The following GPC6 variants were observed in gnomAD, a reference collection of about 807,000 sequenced individuals.
GPC6 encodes the protein glypican 6.
A neutral mutation model predicts 55.2 loss-of-function variants in GPC6; 14 were observed. The ratio of observed to expected loss-of-function variants is 0.25; its 90% CI spans 0.17 to 0.40. GPC6 has a LOEUF of 0.40. GPC6 is among the 10% of genes least tolerant of loss of function. The pLI is 1.00. For missense variants in GPC6, 641 were observed against 708.5 expected, an observed-to-expected ratio of 0.90 and a Z score of 1.08; for synonymous variants, 278 against 259.6, an observed-to-expected ratio of 1.07 and a Z score of -0.68.
intron 1 of GPC6, among the ~76,000 whole-genome samples, chr13:93,393,107 GATATATAT>G (rs374414019): frequency 1.4e-3 from 158 of 114,772 alleles, no homozygotes; most frequent in South Asian, 4.3e-3. Context: ...ATGTATATTT[GATATATAT>G]ATATATATAT....
rs146398124 is a variant in GPC6 at position 94,292,863 on chromosome 13, T to G, written c.1008+6384T>G. On this transcript the variant is annotated intron_variant, in intron 5 of 8. Transcript: ENST00000377047. Reference sequence around the variant, plus strand: ...ATCTGTTTTTATAGGGACTGTCAGATCCATTTTCTCTCCTATTTGGCCCAC... The same window carrying G: ...ATCTGTTTTTATAGGGACTGTCAGAGCCATTTTCTCTCCTATTTGGCCCAC... Among the ~76,000 whole-genome samples the G allele has an allele frequency of 2.3e-4, 35 of 152,312 alleles. 1 individual carries two copies. The highest frequency in any genetic ancestry group is 7.9e-4 in the African/African-American group (33 of 41,584).
Position 93,227,536 on chromosome 13 carries a change from C to T in GPC6, c.80C>T (p.Ala27Val), listed in dbSNP as rs775575495. Reference protein sequence around the residue: ...LSLPAGADVKARSCGEVRQAY... With the variant: ...LSLPAGADVKVRSCGEVRQAY... ...CTCCCCGCCGGGGCGGATGTGAAGG[C>T]TCGGAGCTGCGGAGAGGTCCGCCAG... is the stretch of plus-strand genomic sequence containing the variant. Residue 27 changes from alanine (A) to valine (V), a missense_variant, in exon 1 of 9, where the codon GCT becomes GTT. Transcript: ENST00000377047. This position sits in a 1 kb window ranked among gnomAD's most constrained non-coding sequence, Gnocchi z 4.3. The T allele has an allele frequency of 1.9e-5, 30 of 1,613,552 alleles. No individual in the cohort carries two copies. The highest frequency in any genetic ancestry group is 2.5e-5 in the Non-Finnish European group (29 of 1,179,742).
At chr13:94,052,768 G>A (rs984243555) in intron 4 of GPC6, among the ~76,000 whole-genome samples, 11 of 152,002 alleles carry the variant, frequency 7.2e-5, no homozygotes, top group Admixed American at 2.0e-4. Context: ...TTAATTATGT[G>A]TCCCTTAATC....
chr13:93,273,635 G>A (rs1877624558), intron 1 of GPC6, among the ~76,000 whole-genome samples: 2 of 152,178 alleles, frequency 1.3e-5, no homozygotes, highest in Admixed American at 6.5e-5. Flanking sequence ...TCCAGCCTGG[G>A]CGACAGAGCG....
intron 4 of GPC6, among the ~76,000 whole-genome samples, chr13:94,142,425 A>T (rs866407716): frequency 6.6e-6 from 1 of 152,324 alleles, no homozygotes; most frequent in East Asian, 1.9e-4. Context: ...ACGTTCTAGT[A>T]AACCTTTTGG....
intron 2 of GPC6, among the ~76,000 whole-genome samples, chr13:93,644,064 A>G (rs1361741029): frequency 3.3e-5 from 5 of 151,970 alleles, no homozygotes; most frequent in African/African-American, 1.2e-4. Context: ...GTAAGTATGG[A>G]ATATATTATT....
chr13:94,355,833 A>G (rs201305937), intron 6 of GPC6, among the ~76,000 whole-genome samples: 13 of 152,150 alleles, frequency 8.5e-5, no homozygotes, highest in African/African-American at 3.1e-4. Flanking sequence ...GGTTTGTTAC[A>G]TAGGTAAACG....
intron 4 of GPC6, among the ~76,000 whole-genome samples, chr13:94,213,830 G>A (rs9516367): frequency 0.19 from 29,345 of 152,114 alleles, 2,998 homozygotes; most frequent in East Asian, 0.41. Flanking sequence ...TTTACTTCTT[G>A]ATGGAGATGC....
intron 1 of GPC6, among the ~76,000 whole-genome samples, chr13:93,248,922 T>G (rs1876695904): frequency 1.3e-5 from 2 of 152,174 alleles, no homozygotes; most frequent in South Asian, 4.1e-4. Context: ...CCTGTTACCT[T>G]AAGGTTCTAA....
intron 2 of GPC6, among the ~76,000 whole-genome samples, chr13:93,679,138 G>C (rs1435495200): frequency 6.6e-6 from 1 of 152,064 alleles, no homozygotes; most frequent in Non-Finnish European, 1.5e-5. Context: ...CAGATGGAAT[G>C]GGTAGTATCT....
chr13:93,543,116 A>G (rs1009324036), intron 1 of GPC6, among the ~76,000 whole-genome samples: 24 of 139,232 alleles, frequency 1.7e-4, no homozygotes, highest in African/African-American at 6.1e-4. Context: ...TTCAAAGGGA[A>G]TGCTTCCAGT....
intron 4 of GPC6, among the ~76,000 whole-genome samples, chr13:94,159,027 T>C (rs9561507): frequency 0.29 from 44,219 of 152,024 alleles, 6,979 homozygotes; most frequent in African/African-American, 0.41. Flanking sequence ...AGTGCTTTCC[T>C]CCGACCTGGC....
At chr13:94,207,683 C>T (rs770907705) in intron 4 of GPC6, among the ~76,000 whole-genome samples, 3 of 152,092 alleles carry the variant, frequency 2.0e-5, no homozygotes, top group Non-Finnish European at 4.4e-5. Flanking sequence ...AACTTAGTTA[C>T]AGAGTAACTG....
chr13:93,901,170 A>G (rs573040041), intron 3 of GPC6, among the ~76,000 whole-genome samples: 20 of 152,284 alleles, frequency 1.3e-4, no homozygotes, highest in African/African-American at 4.6e-4. Flanking sequence ...AAGGATCTCA[A>G]TATATATACT....
intron 6 of GPC6, among the ~76,000 whole-genome samples, chr13:94,336,565 T>C (rs1359780709): frequency 6.6e-6 from 1 of 152,190 alleles, no homozygotes; most frequent in Non-Finnish European, 1.5e-5. Flanking sequence ...GGTAGCGGTT[T>C]TTTAATTTGT....
At chr13:93,253,730 C>T (rs912546830) in intron 1 of GPC6, among the ~76,000 whole-genome samples, 1 of 152,150 alleles carries the variant, frequency 6.6e-6, no homozygotes. Context: ...AGATCATGCC[C>T]TATGAACCTC....
At chr13:94,027,705 T>C in intron 3 of GPC6, 24 bp from the exon 4 acceptor site, 8 of 1,611,444 alleles carry the variant, frequency 5.0e-6, no homozygotes, top group Non-Finnish European at 5.9e-6. Flanking sequence ...TTTGATTTTC[T>C]TTTTCTTTGC....
chr13:94,270,487 AG>A (rs754684635), intron 4 of GPC6, among the ~76,000 whole-genome samples: 3 of 152,236 alleles, frequency 2.0e-5, no homozygotes, highest in Admixed American at 6.5e-5. Context: ...TTGCATACAT[AG>A]CCTGATCCTA....
intron 4 of GPC6, among the ~76,000 whole-genome samples, chr13:94,153,175 C>T (rs932585788): frequency 2.6e-5 from 4 of 152,082 alleles, no homozygotes; most frequent in Non-Finnish European, 5.9e-5. Flanking sequence ...CTGAGTAACT[C>T]ACCCACCTAG....
Sources: allele counts gnomAD v4.1 joint callset (sites outside exome capture counted in the v4.1 genomes callset), GRCh38; gene constraint gnomAD v4.1.1; non-coding constraint Gnocchi (gnomAD v3.1); transcripts MANE v1.5; gene names NCBI Gene and HGNC (gene_info 2026-07-23, HGNC 2026-07-21).